The following ENOX2 variants were observed in gnomAD, a reference collection of about 807,000 sequenced individuals.
The protein encoded by ENOX2 is APK1 antigen.
ENOX2 carries 36 observed loss-of-function variants against 45.0 expected under a neutral mutation model. That is an observed-to-expected ratio of 0.80 (90% confidence interval 0.61 to 1.06). The LOEUF (loss-of-function observed/expected upper bound fraction) is 1.06, where lower values mean the gene tolerates loss of function less well. Ranked by LOEUF, ENOX2 falls within the 50% of genes least tolerant of loss-of-function variation. The pLI is 0.00. For missense variants in ENOX2, 423 were observed against 462.5 expected, an observed-to-expected ratio of 0.91 and a Z score of 0.78; for synonymous variants, 174 against 152.3, an observed-to-expected ratio of 1.14 and a Z score of -1.05.
intron 4 of ENOX2, among the ~76,000 whole-genome samples, chrX:130,691,315 T>A (rs957412286): frequency 1.8e-5 from 2 of 111,830 alleles, no homozygotes; most frequent in African/African-American, 6.5e-5. Flanking sequence ...TAGGTAAGTT[T>A]CCTTCCTTCC....
At chrX:130,878,033 C>T (rs2078740515) in intron 2 of ENOX2, among the ~76,000 whole-genome samples, 1 of 112,139 alleles carries the variant, frequency 8.9e-6, no homozygotes, top group Admixed American at 9.4e-5. Context: ...ACTATAAATC[C>T]CAACCTCAGT....
rs982562934 is a variant in ENOX2 at position 130,795,248 on chromosome X, C to G, written c.-182-11558G>C. Among the ~76,000 whole-genome samples, 4 of 111,999 alleles carry G rather than the reference C, an allele frequency of 3.6e-5. No homozygotes were observed. In the Admixed American group the frequency reaches 3.8e-4, roughly 11 times the overall value. ...GAGTATCAATACAAGGTGTTGACAACTGATTAACTCCTTTAGAGAAGTCCC... is the reference window on the plus strand; with the variant it reads ...GAGTATCAATACAAGGTGTTGACAAGTGATTAACTCCTTTAGAGAAGTCCC... On this transcript the variant is annotated intron_variant, in intron 2 of 14. Transcript: ENST00000394363.
chrX:130,821,688 T>C (rs1202444437), intron 2 of ENOX2, among the ~76,000 whole-genome samples: 1 of 48,051 alleles, frequency 2.1e-5, no homozygotes, highest in Non-Finnish European at 3.8e-5. Flanking sequence ...ACTTAAAGTA[T>C]AATAAAAAAA....
intron 3 of ENOX2, among the ~76,000 whole-genome samples, chrX:130,747,988 A>G (rs1185941438): frequency 8.9e-6 from 1 of 112,496 alleles, no homozygotes; most frequent in East Asian, 2.8e-4. Context: ...TTACATAGTT[A>G]GAGGAAAATA....
intron 3 of ENOX2, among the ~76,000 whole-genome samples, chrX:130,727,670 G>A (rs1311659758): frequency 8.9e-6 from 1 of 112,337 alleles, no homozygotes; most frequent in African/African-American, 3.2e-5. Flanking sequence ...ACTTAGACTC[G>A]GTAGTCAGAG....
intron 2 of ENOX2, among the ~76,000 whole-genome samples, chrX:130,815,093 G>A (rs966071414): frequency 9.0e-6 from 1 of 111,607 alleles, no homozygotes; most frequent in Non-Finnish European, 1.9e-5. Flanking sequence ...CGAGAACTTC[G>A]TGAAGCATAC....
At chrX:130,807,987 A>T (rs1445642452) in intron 2 of ENOX2, among the ~76,000 whole-genome samples, 2 of 112,705 alleles carry the variant, frequency 1.8e-5, no homozygotes, top group African/African-American at 6.4e-5. Context: ...CCTGATACAT[A>T]GCAAAAATAC....
In ENOX2 at chrX:130,649,318, CA is replaced by C. The variant is rs375062441; in HGVS notation, c.1129+7262del. Among the ~76,000 whole-genome samples the C allele has an allele frequency of 8.8e-3, 755 of 85,612 alleles. 3 individuals carry two copies. The highest frequency in any genetic ancestry group is 0.021 in the African/African-American group (500 of 23,630). The allele number at this position is 85,612 out of a possible 115,157, so 74.3% of individuals were successfully genotyped here. A position where few individuals can be genotyped will look rare whatever the true frequency, so the allele number is the denominator to read the frequency against. ...TAAAATGGACTAAGACAAGTATATA[CA>C]AAAAAAAAAAAAATCCACATTAGCG... On this transcript the variant is annotated intron_variant, in intron 10 of 14. Coordinates refer to ENST00000394363, the MANE Select transcript of ENOX2 (RefSeq NM_006375.4).
chrX:130,743,068 G>A (rs1216190239), intron 3 of ENOX2, among the ~76,000 whole-genome samples: 5 of 111,864 alleles, frequency 4.5e-5, no homozygotes, highest in Non-Finnish European at 7.5e-5. Flanking sequence ...GCTACTTCCT[G>A]GCATTGTTAT....
At chrX:130,669,395 CT>C (rs1177130672) in intron 7 of ENOX2, among the ~76,000 whole-genome samples, 1 of 112,420 alleles carries the variant, frequency 8.9e-6, no homozygotes, top group Non-Finnish European at 1.9e-5. Context: ...TCCACAGTCA[CT>C]GTTTTAAATA....
intron 10 of ENOX2, among the ~76,000 whole-genome samples, chrX:130,655,360 A>T (rs1386165711): frequency 8.9e-6 from 1 of 111,757 alleles, no homozygotes; most frequent in Non-Finnish European, 1.9e-5. Flanking sequence ...TCTTTCCTTC[A>T]GAGTTTCTGT....
intron 2 of ENOX2, 34 bp downstream of exon 2, chrX:130,901,647 GCTT>G (rs946171831): frequency 1.5e-3 from 168 of 112,055 alleles, no homozygotes; most frequent in African/African-American, 4.8e-3. Context: ...TGCAAGACAA[GCTT>G]CTTCTTGGAT....
intron 2 of ENOX2, among the ~76,000 whole-genome samples, chrX:130,803,919 A>G (rs1221157562): frequency 1.8e-5 from 2 of 111,819 alleles, no homozygotes; most frequent in Middle Eastern, 4.6e-3. Flanking sequence ...TATACAATGA[A>G]TTCACCTTTT....
intron 2 of ENOX2, among the ~76,000 whole-genome samples, chrX:130,827,742 A>G (rs1398532865): frequency 1.8e-5 from 2 of 111,934 alleles, no homozygotes; most frequent in African/African-American, 6.5e-5. Context: ...TTAAAAGCCA[A>G]TGAGGAAAAA....
At chrX:130,893,225 T>A (rs1448783302) in intron 2 of ENOX2, among the ~76,000 whole-genome samples, 1 of 112,560 alleles carries the variant, frequency 8.9e-6, no homozygotes, top group Non-Finnish European at 1.9e-5. Context: ...AGTTAAAAGA[T>A]AATTTGTTGA....
At chrX:130,798,974 G>T (rs762654544) in intron 2 of ENOX2, among the ~76,000 whole-genome samples, 12 of 112,385 alleles carry the variant, frequency 1.1e-4, no homozygotes, top group African/African-American at 3.2e-4. Flanking sequence ...AAATGCAAAG[G>T]CACAGTTAAG....
intron 2 of ENOX2, among the ~76,000 whole-genome samples, chrX:130,790,423 C>T (rs1322090280): frequency 1.8e-5 from 2 of 112,289 alleles, no homozygotes; most frequent in Non-Finnish European, 3.8e-5. Context: ...TCCCACTATG[C>T]CCCAGCTTAT....
chrX:130,787,207 G>A (rs930364700), intron 2 of ENOX2, among the ~76,000 whole-genome samples: 9 of 111,600 alleles, frequency 8.1e-5, no homozygotes, highest in Non-Finnish European at 1.5e-4. Context: ...TTTTTGTTTT[G>A]CATTTGATAA....
rs1303174631 is a variant in ENOX2 at position 130,891,216 on chromosome X, T to A, written c.-183+10468A>T. The stretch of plus-strand genomic sequence containing the variant: ...ATAAAATTTTAAAAAGTTTTTTTTT[T>A]AAAAGAAATACACTTCATTTAAGAG... On this transcript the variant is annotated intron_variant, in intron 2 of 14. Transcript: ENST00000394363. Among the ~76,000 whole-genome samples, 3 of 110,454 alleles carry A rather than the reference T, an allele frequency of 2.7e-5. No homozygotes were observed. The East Asian group carries it at 8.5e-4, about 31-fold the overall frequency.
Sources: gnomAD v4.1 joint callset for allele counts (sites outside exome capture counted in the v4.1 genomes callset) on GRCh38, gnomAD v4.1.1 for gene constraint, MANE v1.5 for transcripts, NCBI Gene and HGNC (gene_info 2026-07-23, HGNC 2026-07-21) for gene names.